SGCZ: variants seen among roughly 807,000 people sequenced by gnomAD.
The protein encoded by SGCZ is sarcoglycan zeta.
Under a neutral mutation model 41.3 loss-of-function variants are expected in SGCZ, and 40 were observed. That is an observed-to-expected ratio of 0.97 (90% confidence interval 0.75 to 1.26). The LOEUF is 1.26. Among genes scored for constraint, SGCZ ranks in the 50% most tolerant of loss-of-function variants. The probability of loss-of-function intolerance (pLI) is 0.00; values close to 1 mark genes in which losing one functional copy is unlikely to be tolerated. For missense variants in SGCZ, 552 were observed against 369.8 expected, an observed-to-expected ratio of 1.49 and a Z score of -4.04; for synonymous variants, 206 against 137.5, an observed-to-expected ratio of 1.50 and a Z score of -3.49.
chr8:14,598,291 T>C (rs1805478524), intron 1 of SGCZ, among the ~76,000 whole-genome samples: 1 of 152,124 alleles, frequency 6.6e-6, no homozygotes, highest in African/African-American at 2.4e-5. Flanking sequence ...ATATTTGAAT[T>C]TAATGTTTTC....
intron 1 of SGCZ, among the ~76,000 whole-genome samples, chr8:15,028,099 C>G (rs529890548): frequency 6.6e-6 from 1 of 152,222 alleles, no homozygotes; most frequent in African/African-American, 2.4e-5. Context: ...TAACAACTTT[C>G]CTCCACTAAT....
intron 2 of SGCZ, among the ~76,000 whole-genome samples, chr8:14,422,479 A>G (rs1387315747): frequency 6.6e-6 from 1 of 152,206 alleles, no homozygotes. Context: ...TCTCGTTTCA[A>G]ACTTCAGGTT....
intron 1 of SGCZ, among the ~76,000 whole-genome samples, chr8:15,046,548 A>G (rs1431068035): frequency 6.6e-6 from 1 of 151,938 alleles, no homozygotes; most frequent in African/African-American, 2.4e-5. Context: ...TTCTTTGAAC[A>G]CTTTCTTCCC....
chr8:14,514,680 T>C (rs1273980514), intron 2 of SGCZ, among the ~76,000 whole-genome samples: 1 of 149,376 alleles, frequency 6.7e-6, no homozygotes, highest in African/African-American at 2.4e-5. Flanking sequence ...TAAATATATA[T>C]ACGTATATAT....
At chr8:15,068,314 C>A (rs114410516) in intron 1 of SGCZ, among the ~76,000 whole-genome samples, 1 of 152,180 alleles carries the variant, frequency 6.6e-6, no homozygotes, top group Non-Finnish European at 1.5e-5. Context: ...TAGAAGTTTT[C>A]CAATTCAATA....
At chr8:15,010,439 T>C (rs1802783082) in intron 1 of SGCZ, among the ~76,000 whole-genome samples, 1 of 152,202 alleles carries the variant, frequency 6.6e-6, no homozygotes. Flanking sequence ...TACCCTAGCT[T>C]TTTAAGAAGC....
chr8:14,490,342 T>A (rs1396786508), intron 2 of SGCZ, among the ~76,000 whole-genome samples: 1 of 152,180 alleles, frequency 6.6e-6, no homozygotes, highest in Non-Finnish European at 1.5e-5. Context: ...TTTAGAAATT[T>A]ATGTCTTCTG....
At chr8:15,154,827 A>C (rs2117025975) in intron 1 of SGCZ, among the ~76,000 whole-genome samples, 1 of 152,352 alleles carries the variant, frequency 6.6e-6, no homozygotes, top group Non-Finnish European at 1.5e-5. Flanking sequence ...AAAAAGTTAT[A>C]GTCCTTTTGA....
intron 1 of SGCZ, among the ~76,000 whole-genome samples, chr8:14,923,515 T>A (rs1476506944): frequency 3.3e-5 from 5 of 152,162 alleles, no homozygotes. Context: ...AGTTACGAAA[T>A]GTACGAAACT....
chr8:14,322,027 G>A (rs1585361258), intron 3 of SGCZ, among the ~76,000 whole-genome samples: 1 of 152,050 alleles, frequency 6.6e-6, no homozygotes, highest in African/African-American at 2.4e-5. Context: ...TAATGTGAGA[G>A]GTGCTTATAA....
At position 14,726,133 on chromosome 8, in the gene SGCZ, C is replaced by T. The variant is rs140699739; in HGVS notation, c.40-171207G>A. Among the ~76,000 whole-genome samples, 7 of 151,072 alleles carry T rather than the reference C, an allele frequency of 4.6e-5. 1 individual carries two copies. Among genetic ancestry groups the T allele is most frequent in the African/African-American group, 1.7e-4 (7 of 41,310 alleles). On this transcript the variant is annotated intron_variant, in intron 1 of 7. Transcript: ENST00000382080. ...ATTTAGCCAGGCGTGGTGGCACGCA[C>T]CTGTAGTCCCAGCTACTCGGGAGGC...
At chr8:14,807,339 T>A (rs1228980429) in intron 1 of SGCZ, among the ~76,000 whole-genome samples, 6 of 152,052 alleles carry the variant, frequency 3.9e-5, no homozygotes, top group Non-Finnish European at 8.8e-5. Flanking sequence ...CCCCATTGTC[T>A]CAGCCCAAAA....
At chr8:14,372,390 T>G (rs1220772260) in intron 2 of SGCZ, among the ~76,000 whole-genome samples, 2 of 152,190 alleles carry the variant, frequency 1.3e-5, no homozygotes, top group Non-Finnish European at 2.9e-5. Context: ...TGAGTATTTA[T>G]TCTGTGCCAG....
rs917764033 is a variant in SGCZ, at chr8:14,718,823, CT to C, written c.40-163898del. On this transcript the variant is annotated intron_variant, in intron 1 of 7. Transcript: ENST00000382080. The stretch of plus-strand genomic sequence containing the variant: ...CTTACTTCCACTCTTTGTCTTTTTT[CT>C]TTTTTTTTGTTTAAGAATATATATA... Among the ~76,000 whole-genome samples, 893 of 147,786 alleles carry C rather than the reference CT, an allele frequency of 6.0e-3. 1 individual carries two copies. The highest frequency in any genetic ancestry group is 9.2e-3 in the African/African-American group (373 of 40,490).
intron 1 of SGCZ, among the ~76,000 whole-genome samples, chr8:15,005,330 T>TC (rs1802571725): frequency 3.6e-5 from 1 of 28,094 alleles, no homozygotes; most frequent in Admixed American, 4.6e-4. Flanking sequence ...TTCTTTTTCT[T>TC]TTTTTTTTTT....
intron 1 of SGCZ, among the ~76,000 whole-genome samples, chr8:14,738,183 C>A (rs534962537): frequency 6.6e-6 from 1 of 152,002 alleles, no homozygotes; most frequent in Non-Finnish European, 1.5e-5. Context: ...TACAAAAAAT[C>A]TCTGTTTTCA....
chr8:14,372,751 G>C (rs1410256682), intron 2 of SGCZ, among the ~76,000 whole-genome samples: 1 of 152,078 alleles, frequency 6.6e-6, no homozygotes, highest in Admixed American at 6.6e-5. Context: ...CCTGCTTGGA[G>C]TATCCGAGTA....
At chr8:15,087,617 A>C (rs146505444) in intron 1 of SGCZ, among the ~76,000 whole-genome samples, 1 of 152,258 alleles carries the variant, frequency 6.6e-6, no homozygotes, top group Non-Finnish European at 1.5e-5. Flanking sequence ...TGTACTAAAG[A>C]GCTTGTCGAA....
intron 2 of SGCZ, among the ~76,000 whole-genome samples, chr8:14,383,175 G>A (rs925520048): frequency 6.6e-6 from 1 of 152,186 alleles, no homozygotes; most frequent in African/African-American, 2.4e-5. Flanking sequence ...TCAAGCTGAA[G>A]TTCCTGTTCT....
Sources: allele counts gnomAD v4.1 joint callset (sites outside exome capture counted in the v4.1 genomes callset), GRCh38; gene constraint gnomAD v4.1.1; transcripts MANE v1.5; gene names NCBI Gene and HGNC (gene_info 2026-07-23, HGNC 2026-07-21).